The following AUTS2 variants were observed in gnomAD, a reference collection of about 807,000 sequenced individuals.
AUTS2 encodes the protein activator of transcription and developmental regulator AUTS2, also known as autism susceptibility gene 2 protein.
In AUTS2, 17 loss-of-function variants were observed where a neutral mutation model predicts 112.4. The ratio of observed to expected loss-of-function variants is 0.15; its 90% confidence interval spans 0.10 to 0.23. The LOEUF is 0.23. Among genes scored for constraint, AUTS2 ranks in the 10% least tolerant of loss-of-function variants. The pLI, the probability that AUTS2 is intolerant of heterozygous loss-of-function variation, is 1.00. For missense variants in AUTS2, 1,510 were observed against 1,701.6 expected (o/e 0.89, Z 1.98); for synonymous variants, 751 against 702.7 (o/e 1.07, Z -1.09).
chr7:70,743,978 C>G lies in AUTS2; in HGVS notation c.743-18892C>G, dbSNP rs555080528. The stretch of plus-strand genomic sequence containing the variant: ...AAAGTGTGGATGGAGGGGTAATCTC[C>G]CCCCACCCCCGCCCCAGCCCCTGTT... On this transcript the variant is annotated intron_variant, in intron 6 of 18. Transcript: ENST00000342771. Among the ~76,000 whole-genome samples the G allele has an allele frequency of 8.6e-5, 13 of 151,438 alleles. No homozygotes were observed. The South Asian group carries it at 2.7e-3, about 32-fold the overall frequency.
chr7:70,534,019 C>G (rs1800204924), intron 5 of AUTS2, among the ~76,000 whole-genome samples: 2 of 152,224 alleles, frequency 1.3e-5, no homozygotes, highest in Admixed American at 1.3e-4. Context: ...GGGGGACCCT[C>G]TTCATAATGG....
intron 6 of AUTS2, among the ~76,000 whole-genome samples, chr7:70,707,795 C>T (rs1250945771): frequency 2.0e-5 from 3 of 152,118 alleles, no homozygotes; most frequent in Admixed American, 2.0e-4. Flanking sequence ...ATTCTTGTGC[C>T]TTTGCGTGAA....
chr7:70,533,847 A>T (rs1255304120), intron 5 of AUTS2, among the ~76,000 whole-genome samples: 1 of 152,190 alleles, frequency 6.6e-6, no homozygotes, highest in African/African-American at 2.4e-5. Flanking sequence ...AGCCTTTAGT[A>T]GCAGCTGAGC....
intron 1 of AUTS2, among the ~76,000 whole-genome samples, chr7:69,674,875 T>G (rs957159267): frequency 6.6e-6 from 1 of 152,114 alleles, no homozygotes; most frequent in African/African-American, 2.4e-5. Context: ...GAAACGTGGG[T>G]CAGGACAGAA....
intron 5 of AUTS2, among the ~76,000 whole-genome samples, chr7:70,519,010 A>T (rs1189636557): frequency 1.3e-5 from 2 of 152,148 alleles, no homozygotes; most frequent in African/African-American, 4.8e-5. Flanking sequence ...CGCCAATAAT[A>T]TGTACCTCTT....
At chr7:70,455,003 C>T (rs1796677101) in intron 5 of AUTS2, among the ~76,000 whole-genome samples, 1 of 152,172 alleles carries the variant, frequency 6.6e-6, no homozygotes, top group African/African-American at 2.4e-5. Context: ...GAGTCCAGTA[C>T]CCTTGTTGAT....
At chr7:70,608,876 T>C (rs1803923453) in intron 5 of AUTS2, among the ~76,000 whole-genome samples, 2 of 152,372 alleles carry the variant, frequency 1.3e-5, no homozygotes, top group South Asian at 4.1e-4. Context: ...TTAGCCACCA[T>C]TGCAGCAAGG....
chr7:69,910,366 C>T (rs1009743197), intron 2 of AUTS2, among the ~76,000 whole-genome samples: 3 of 152,296 alleles, frequency 2.0e-5, no homozygotes, highest in African/African-American at 7.2e-5. Flanking sequence ...GCCCAGATCC[C>T]ACACCTGCCA....
intron 4 of AUTS2, among the ~76,000 whole-genome samples, chr7:70,286,554 A>C (rs529353785): frequency 7.2e-5 from 11 of 152,396 alleles, no homozygotes; most frequent in African/African-American, 1.7e-4. Context: ...TGTATTTCTG[A>C]TGAAAAACAT....
At chr7:70,672,195 G>A (rs73704599) in intron 5 of AUTS2, among the ~76,000 whole-genome samples, 3,287 of 152,320 alleles carry the variant, frequency 0.022, 114 homozygotes, top group African/African-American at 0.075. Context: ...GGCAGGAGGA[G>A]CTGGAGTCTT....
intron 4 of AUTS2, 65 bp from the exon 5 acceptor site, chr7:70,435,687 G>A: frequency 6.5e-7 from 1 of 1,534,258 alleles, no homozygotes; most frequent in African/African-American, 1.4e-5. Flanking sequence ...TGGGGGAGGA[G>A]GCATCAAAAG....
intron 4 of AUTS2, among the ~76,000 whole-genome samples, chr7:70,404,498 A>G (rs1794451200): frequency 6.6e-6 from 1 of 152,196 alleles, no homozygotes. Flanking sequence ...TAGTGAACTC[A>G]GAGGGATATG....
chr7:70,615,393 G>C (rs1804303822), intron 5 of AUTS2, among the ~76,000 whole-genome samples: 1 of 152,188 alleles, frequency 6.6e-6, no homozygotes, highest in Non-Finnish European at 1.5e-5. Flanking sequence ...GTCGAACTAA[G>C]ACTTCCCTCC....
chr7:69,679,273 G>A (rs1018032449), intron 1 of AUTS2, among the ~76,000 whole-genome samples: 1 of 152,192 alleles, frequency 6.6e-6, no homozygotes, highest in African/African-American at 2.4e-5. Flanking sequence ...GTACATTAAT[G>A]GGCGATAGTA....
At chr7:69,708,318 T>C (rs75298925) in intron 1 of AUTS2, among the ~76,000 whole-genome samples, 7 of 23,244 alleles carry the variant, frequency 3.0e-4, no homozygotes, top group African/African-American at 7.8e-4. Context: ...GTCTCTCTCT[T>C]CTTTTTTGTG....
At chr7:70,124,663 A>G (rs946369033) in intron 3 of AUTS2, among the ~76,000 whole-genome samples, 2 of 152,040 alleles carry the variant, frequency 1.3e-5, no homozygotes, top group Non-Finnish European at 2.9e-5. Context: ...CCCTGGTTCA[A>G]GTGATTCTTC....
intron 1 of AUTS2, among the ~76,000 whole-genome samples, chr7:69,734,346 T>C (rs1786933833): frequency 1.4e-5 from 2 of 147,996 alleles, no homozygotes; most frequent in Non-Finnish European, 3.0e-5. Context: ...TGTTCCTCTT[T>C]AGTTTTTTTT....
At chr7:70,780,895 T>C (rs1055574595) in intron 14 of AUTS2, among the ~76,000 whole-genome samples, 1 of 152,310 alleles carries the variant, frequency 6.6e-6, no homozygotes, top group Admixed American at 6.5e-5. Flanking sequence ...AACAAACAAT[T>C]AATTTATACA....
intron 1 of AUTS2, among the ~76,000 whole-genome samples, chr7:69,606,952 G>A (rs1207935773): frequency 1.3e-5 from 2 of 152,064 alleles, no homozygotes; most frequent in South Asian, 2.1e-4. Flanking sequence ...GTTCTCCTTC[G>A]TTTCTTCTAA....
Sources: gnomAD v4.1 joint callset for allele counts (sites outside exome capture counted in the v4.1 genomes callset) on GRCh38, gnomAD v4.1.1 for gene constraint, MANE v1.5 for transcripts, NCBI Gene and HGNC (gene_info 2026-07-23, HGNC 2026-07-21) for gene names.